Variants in EPS15 observed in about 807,000 individuals in gnomAD.
EPS15 encodes epidermal growth factor receptor pathway substrate 15, also known as epidermal growth factor receptor substrate 15.
A neutral mutation model predicts 113.8 loss-of-function variants in EPS15; 72 were observed. That is an observed-to-expected ratio of 0.63 (90% CI 0.52 to 0.77). The LOEUF is 0.77. EPS15 is among the 30% of genes least tolerant of loss of function. The pLI, the probability that EPS15 is intolerant of heterozygous loss-of-function variation, is 0.00. For synonymous variants in EPS15, 344 were observed against 363.4 expected (o/e 0.95, Z 0.61); for missense variants, 1,048 against 1,045.8 (o/e 1.00, Z -0.03).
chr1:51,439,249 C>T (rs1016525253), intron 12 of EPS15, among the ~76,000 whole-genome samples: 8 of 152,070 alleles, frequency 5.3e-5, no homozygotes, highest in African/African-American at 1.9e-4. Context: ...GTTTCAGTTT[C>T]ACAAGTCAAT....
intron 23 of EPS15, among the ~76,000 whole-genome samples, chr1:51,362,449 A>C (rs1052753546): frequency 5.3e-5 from 8 of 152,186 alleles, no homozygotes; most frequent in African/African-American, 1.9e-4. Context: ...TCTTAGATTG[A>C]GCAAAAACAC....
intron 21 of EPS15, among the ~76,000 whole-genome samples, chr1:51,369,459 C>T (rs542475123): frequency 6.6e-6 from 1 of 152,330 alleles, no homozygotes; most frequent in East Asian, 1.9e-4. Context: ...GCCAGCAGAA[C>T]TGGGCTTTAG....
chr1:51,505,668 T>C (rs1279502252), intron 1 of EPS15, among the ~76,000 whole-genome samples: 2 of 152,112 alleles, frequency 1.3e-5, no homozygotes, highest in Non-Finnish European at 2.9e-5. Context: ...GGTATGTGAA[T>C]TACATCTCAA....
chr1:51,451,801 C>G (rs763846840), intron 8 of EPS15, among the ~76,000 whole-genome samples: 11 of 152,296 alleles, frequency 7.2e-5, no homozygotes, highest in Admixed American at 2.6e-4. Flanking sequence ...TTTTCCATAA[C>G]TATCTTTTAG....
At chr1:51,423,612 A>G in intron 12 of EPS15, 1 of 985,394 alleles carries the variant, frequency 1.0e-6, no homozygotes. Context: ...TAACAAAAAT[A>G]GAAAACACTA....
intron 1 of EPS15, among the ~76,000 whole-genome samples, chr1:51,491,559 T>C (rs986321609): frequency 1.3e-5 from 2 of 152,048 alleles, no homozygotes; most frequent in Non-Finnish European, 2.9e-5. Flanking sequence ...AACAGAAGAA[T>C]GAAAAATAGT....
intron 17 of EPS15, among the ~76,000 whole-genome samples, chr1:51,402,815 G>C (rs1170739941): frequency 1.3e-5 from 2 of 152,168 alleles, no homozygotes; most frequent in Admixed American, 1.3e-4. Flanking sequence ...TGAGGCAGGA[G>C]AATTGCTTGA....
intron 21 of EPS15, among the ~76,000 whole-genome samples, chr1:51,374,070 C>T (rs150214231): frequency 2.6e-5 from 4 of 152,276 alleles, no homozygotes; most frequent in African/African-American, 7.2e-5. Flanking sequence ...AACACATATA[C>T]GTTTAGCCTG....
intron 12 of EPS15, among the ~76,000 whole-genome samples, chr1:51,426,734 C>A (rs1266809907): frequency 6.6e-6 from 1 of 151,766 alleles, no homozygotes; most frequent in Non-Finnish European, 1.5e-5. Flanking sequence ...AAACTCTTCA[C>A]TGGGTCTCCA....
chr1:51,431,937 T>C (rs2148463816), intron 12 of EPS15, among the ~76,000 whole-genome samples: 1 of 152,342 alleles, frequency 6.6e-6, no homozygotes, highest in South Asian at 2.1e-4. Flanking sequence ...TCCAGAGCAA[T>C]GCCTGGCATG....
intron 21 of EPS15, among the ~76,000 whole-genome samples, chr1:51,371,981 C>CA (rs1646667548): frequency 6.6e-6 from 1 of 152,168 alleles, no homozygotes; most frequent in African/African-American, 2.4e-5. Context: ...CAAGGCTGTA[C>CA]AAGTTTGAAG....
intron 21 of EPS15, among the ~76,000 whole-genome samples, chr1:51,383,487 T>G (rs1158155826): frequency 6.6e-6 from 1 of 152,200 alleles, no homozygotes; most frequent in Admixed American, 6.5e-5. Context: ...CCTCAGATCA[T>G]CAGGTGTTAG....
At chr1:51,439,165 A>G (rs906877045) in intron 12 of EPS15, among the ~76,000 whole-genome samples, 1 of 152,108 alleles carries the variant, frequency 6.6e-6, no homozygotes, top group East Asian at 1.9e-4. Flanking sequence ...CAAGAAATGG[A>G]GAGCAAGAGA....
intron 1 of EPS15, among the ~76,000 whole-genome samples, chr1:51,492,955 C>T (rs538856864): frequency 1.3e-5 from 2 of 152,274 alleles, no homozygotes; most frequent in South Asian, 2.1e-4. Context: ...CAGCCGGGCG[C>T]GGTGGCTCAC....
intron 2 of EPS15, among the ~76,000 whole-genome samples, chr1:51,476,040 ATC>A (rs1402872710): frequency 6.6e-6 from 1 of 152,006 alleles, no homozygotes. Context: ...ATTGGTCTAT[ATC>A]TCTGTTTTGG....
At chr1:51,453,356 C>T (rs1653730308) in intron 8 of EPS15, among the ~76,000 whole-genome samples, 1 of 152,096 alleles carries the variant, frequency 6.6e-6, no homozygotes, top group Non-Finnish European at 1.5e-5. Flanking sequence ...AAAATAGTTT[C>T]CCTGGCAAAA....
chr1:51,490,221 C>G (rs1009320773), intron 1 of EPS15: 1 of 423,454 alleles, frequency 2.4e-6, no homozygotes, highest in African/African-American at 2.1e-5. Flanking sequence ...CTCTAACACA[C>G]AAAATAAACT....
chr1:51,488,765 C>G (rs2148533424), intron 1 of EPS15, among the ~76,000 whole-genome samples: 1 of 152,268 alleles, frequency 6.6e-6, no homozygotes. Context: ...AATAGTACCC[C>G]TAAGCTTTAC....
At chr1:51,389,628 A>G (rs1647201708) in intron 21 of EPS15, among the ~76,000 whole-genome samples, 1 of 152,288 alleles carries the variant, frequency 6.6e-6, no homozygotes, top group African/African-American at 2.4e-5. Flanking sequence ...AAGTCTCAGG[A>G]TACAAAATCA....
Sources: gnomAD v4.1 joint callset for allele counts (sites outside exome capture counted in the v4.1 genomes callset) on GRCh38, gnomAD v4.1.1 for gene constraint, MANE v1.5 for transcripts, NCBI Gene and HGNC (gene_info 2026-07-23, HGNC 2026-07-21) for gene names.